Variants in PRKN observed in about 807,000 individuals in gnomAD.
PRKN encodes the protein parkin RBR E3 ubiquitin protein ligase.
A neutral mutation model predicts 59.5 loss-of-function variants in PRKN; 56 were observed. The ratio of observed to expected loss-of-function variants is 0.94; its 90% CI spans 0.76 to 1.18. The LOEUF (loss-of-function observed/expected upper bound fraction) is 1.18, where lower values mean the gene tolerates loss of function less well. Ranked by LOEUF, PRKN falls within the 50% of genes most tolerant of loss-of-function variation. PRKN has a pLI of 0.00. For synonymous variants in PRKN, 250 were observed against 222.1 expected (o/e 1.13, Z -1.12); for missense variants, 657 against 596.4 (o/e 1.10, Z -1.06).
rs557288033 is a variant in PRKN at position 161,458,528 on chromosome 6, C to T, written c.1084-71651G>A. 6.6e-6 allele frequency among the ~76,000 whole-genome samples: 1 copy of T among 152,234 alleles called. No individual in the cohort carries two copies. The highest frequency in any genetic ancestry group is 1.5e-5 in the Non-Finnish European group (1 of 68,030). On this transcript the variant is annotated intron_variant, in intron 9 of 11. Coordinates refer to ENST00000366898, the MANE Select transcript of PRKN (RefSeq NM_004562.3). This position sits in a 1 kb window ranked among gnomAD's most constrained non-coding sequence, Gnocchi z 6.1. ...AGAGCCAGTGTTTGAACCAAATGCT[C>T]AGTAATGTGAAAACATCAATTATTT...
chr6:161,730,254 T>C (rs1232312333), intron 7 of PRKN, among the ~76,000 whole-genome samples: 1 of 150,884 alleles, frequency 6.6e-6, no homozygotes, highest in Non-Finnish European at 1.5e-5. Flanking sequence ...CAGTCTGATG[T>C]GTTGCCCTCT....
intron 1 of PRKN, among the ~76,000 whole-genome samples, chr6:162,624,933 AC>A (rs1782823699): frequency 1.3e-5 from 2 of 152,190 alleles, no homozygotes; most frequent in African/African-American, 2.4e-5. Context: ...AAAATTAAAT[AC>A]CTAAGTGAGG....
chr6:162,444,791 A>G (rs1359447744), intron 1 of PRKN, among the ~76,000 whole-genome samples: 1 of 151,710 alleles, frequency 6.6e-6, no homozygotes, highest in Non-Finnish European at 1.5e-5. Context: ...ATCCCCACAG[A>G]CTCCTTTAAT....
intron 9 of PRKN, among the ~76,000 whole-genome samples, chr6:161,491,802 T>C (rs1397031190): frequency 6.6e-6 from 1 of 152,104 alleles, no homozygotes; most frequent in Non-Finnish European, 1.5e-5. Context: ...GACTAATTTT[T>C]GTATTTTTTA....
At chr6:161,757,189 A>G (rs1788962678) in intron 7 of PRKN, among the ~76,000 whole-genome samples, 1 of 152,196 alleles carries the variant, frequency 6.6e-6, no homozygotes, top group Non-Finnish European at 1.5e-5. Context: ...TTTCTTAGGT[A>G]TGCTACATAA....
intron 1 of PRKN, among the ~76,000 whole-genome samples, chr6:162,588,842 C>A (rs1432726748): frequency 6.6e-6 from 1 of 152,134 alleles, no homozygotes; most frequent in Non-Finnish European, 1.5e-5. Context: ...TGAGCCACCG[C>A]GCCCGGCCCA....
At chr6:161,604,709 C>T (rs915366907) in intron 7 of PRKN, among the ~76,000 whole-genome samples, 2 of 152,112 alleles carry the variant, frequency 1.3e-5, no homozygotes, top group South Asian at 2.1e-4. Context: ...CCAAGGTGGG[C>T]GGATCACTTG....
rs1450684414 is a variant in PRKN at position 161,787,187 on chromosome 6, AAGAT to A, written c.735-1283_735-1280del. Among the ~76,000 whole-genome samples the A allele has an allele frequency of 1.7e-4, 26 of 152,232 alleles. 1 individual carries two copies. The highest frequency in any genetic ancestry group is 3.8e-4 in the Non-Finnish European group (26 of 68,042). Reference sequence around the variant, plus strand: ...GAAATGAATAATACTAATAATATAAAAGATAATTTCTTAACACCTAAAAGATTTT... The same window carrying A: ...GAAATGAATAATACTAATAATATAAAAATTTCTTAACACCTAAAAGATTTT... On this transcript the variant is annotated intron_variant, in intron 6 of 11. Transcript: ENST00000366898.
intron 5 of PRKN, among the ~76,000 whole-genome samples, chr6:162,012,403 G>A (rs1782765266): frequency 6.6e-6 from 1 of 151,576 alleles, no homozygotes; most frequent in Non-Finnish European, 1.5e-5. Context: ...GTAAATATAT[G>A]CATATATACA....
intron 7 of PRKN, among the ~76,000 whole-genome samples, chr6:161,640,068 T>C (rs1177888959): frequency 6.6e-6 from 1 of 152,252 alleles, no homozygotes; most frequent in African/African-American, 2.4e-5. Flanking sequence ...AGTGGTCTTG[T>C]GCTTAGGCTA....
chr6:161,847,271 G>A (rs1414095123), intron 6 of PRKN, among the ~76,000 whole-genome samples: 5 of 152,006 alleles, frequency 3.3e-5, no homozygotes, highest in African/African-American at 1.2e-4. Context: ...TGGCGCCACT[G>A]TAGTCCAGCC....
intron 2 of PRKN, among the ~76,000 whole-genome samples, chr6:162,434,887 T>A (rs1177864059): frequency 6.6e-6 from 1 of 152,158 alleles, no homozygotes; most frequent in African/African-American, 2.4e-5. Flanking sequence ...TTACAATGAC[T>A]TAGTAAAAAG....
chr6:162,158,466 C>T (rs1468967965), intron 4 of PRKN, among the ~76,000 whole-genome samples: 1 of 149,080 alleles, frequency 6.7e-6, no homozygotes, highest in African/African-American at 2.5e-5. Context: ...GAATCCCACT[C>T]TGTCGCCCAG....
intron 1 of PRKN, among the ~76,000 whole-genome samples, chr6:162,460,396 A>C (rs1289543640): frequency 1.3e-5 from 2 of 152,222 alleles, no homozygotes; most frequent in Non-Finnish European, 2.9e-5. Flanking sequence ...TTACTGCTAA[A>C]GGGAAGTGGG....
intron 9 of PRKN, among the ~76,000 whole-genome samples, chr6:161,424,456 A>G (rs985521041): frequency 5.3e-5 from 8 of 152,030 alleles, no homozygotes. Flanking sequence ...GAAGGCTTTT[A>G]TGGAGTGAAC....
chr6:162,606,897 G>C (rs1781943287), intron 1 of PRKN, among the ~76,000 whole-genome samples: 1 of 152,058 alleles, frequency 6.6e-6, no homozygotes, highest in Non-Finnish European at 1.5e-5. Context: ...ATTTTTAGTA[G>C]AGCCAGGTTT....
In PRKN at chr6:161,592,480, A is replaced by G. The variant is rs1167806293; in HGVS notation, c.872-23064T>C. On this transcript the variant is annotated intron_variant, in intron 7 of 11. Transcript: ENST00000366898. The surrounding 1 kb of genome is among the most constrained non-coding windows in gnomAD (Gnocchi z 4.8). ...ATATTAATGTTCTGATTATGCCTATATTCCTTCTACAAATATATATGGCAC... is the reference window on the plus strand; with the variant it reads ...ATATTAATGTTCTGATTATGCCTATGTTCCTTCTACAAATATATATGGCAC... Among the ~76,000 whole-genome samples the G allele has an allele frequency of 6.6e-6, 1 of 152,196 alleles. No homozygotes were observed. The highest frequency in any genetic ancestry group is 1.9e-4 in the East Asian group (1 of 5,200).
intron 6 of PRKN, among the ~76,000 whole-genome samples, chr6:161,848,786 G>C (rs1316886363): frequency 3.9e-5 from 6 of 152,164 alleles, no homozygotes; most frequent in Non-Finnish European, 1.5e-5. Context: ...TATGTGAAAC[G>C]ATACATGCAC....
intron 6 of PRKN, among the ~76,000 whole-genome samples, chr6:161,799,256 C>T (rs944334325): frequency 6.6e-6 from 1 of 152,168 alleles, no homozygotes; most frequent in Non-Finnish European, 1.5e-5. Flanking sequence ...CAATGCCTGG[C>T]CTGTGGCTGG....
Sources: allele counts gnomAD v4.1 joint callset (sites outside exome capture counted in the v4.1 genomes callset), GRCh38; gene constraint gnomAD v4.1.1; non-coding constraint Gnocchi (gnomAD v3.1); transcripts MANE v1.5; gene names NCBI Gene and HGNC (gene_info 2026-07-23, HGNC 2026-07-21).